Variants in ERMAP observed in about 807,000 individuals in gnomAD.
ERMAP encodes erythroblast membrane associated protein (Scianna blood group).
A neutral mutation model predicts 49.5 loss-of-function variants in ERMAP; 34 were observed. The observed-to-expected ratio is 0.69, with a 90% confidence interval of 0.52 to 0.91. ERMAP has a LOEUF of 0.91. Ranked by LOEUF, ERMAP falls within the 40% of genes least tolerant of loss-of-function variation. ERMAP has a pLI of 0.00. For synonymous variants in ERMAP, 214 were observed against 232.2 expected (o/e 0.92, Z 0.71); for missense variants, 541 against 582.6 (o/e 0.93, Z 0.74).
At chr1:42,829,238 C>T (rs1654642402) in intron 2 of ERMAP, among the ~76,000 whole-genome samples, 3 of 152,168 alleles carry the variant, frequency 2.0e-5, no homozygotes, top group Admixed American at 2.0e-4. Flanking sequence ...CAACCCTAAA[C>T]CAGTGTGCTT....
At chr1:42,842,299 G>T (rs919396566) in intron 11 of ERMAP, among the ~76,000 whole-genome samples, 2 of 152,158 alleles carry the variant, frequency 1.3e-5, no homozygotes, top group Admixed American at 6.5e-5. Context: ...AGATGAAGAA[G>T]AACTTTTTCT....
At chr1:42,823,823 G>T (rs1654462873) in intron 1 of ERMAP, among the ~76,000 whole-genome samples, 1 of 152,186 alleles carries the variant, frequency 6.6e-6, no homozygotes, top group Non-Finnish European at 1.5e-5. Context: ...CTACAGTTTG[G>T]TGCCACTTCC....
chr1:42,828,311 A>G (rs1654613187), intron 2 of ERMAP, among the ~76,000 whole-genome samples: 1 of 151,952 alleles, frequency 6.6e-6, no homozygotes, highest in African/African-American at 2.4e-5. Context: ...ATCATTTTAC[A>G]TGTATTTTCT....
Position 42,843,472 on chromosome 1 carries a change from T to G in ERMAP, c.*240T>G, listed in dbSNP as rs1358359788. The G allele has an allele frequency of 7.1e-6, 3 of 422,412 alleles. No individual in the cohort carries two copies. The highest frequency in any genetic ancestry group is 4.0e-5 in the Admixed American group (1 of 24,730). 26.2% of individuals were successfully genotyped at this position (422,412 alleles called of 1,614,324 possible). A position where few individuals can be genotyped will look rare whatever the true frequency, so the allele number is the denominator to read the frequency against. On this transcript the variant is annotated 3_prime_UTR_variant, in exon 12 of 12. Coordinates refer to ENST00000372517, the MANE Select transcript of ERMAP (RefSeq NM_001017922.2). The stretch of plus-strand genomic sequence containing the variant: ...ATTCCTGGAAACCAAACAATCAGTT[T>G]AGGTGCAGGTGGAGATGTTGAATAT...
intron 4 of ERMAP, chr1:42,834,576 A>G: frequency 3.5e-6 from 1 of 289,838 alleles, no homozygotes; most frequent in Admixed American, 4.1e-5. Flanking sequence ...TGTTTTTGAG[A>G]TGGAGTTTCA....
intron 5 of ERMAP, 110 bp downstream of exon 5, chr1:42,835,264 G>A (rs1654861873): frequency 2.8e-6 from 2 of 706,528 alleles, no homozygotes; most frequent in Admixed American, 4.0e-5. Context: ...ATAGGTTGGG[G>A]ACACTGCAAG....
chr1:42,831,555 GT>G (rs34434827), intron 4 of ERMAP, among the ~76,000 whole-genome samples: 424 of 41,812 alleles, frequency 0.01, no homozygotes, highest in African/African-American at 0.039. Context: ...GAGAGATAGT[GT>G]TTTTTTTTTT....
In ERMAP at chr1:42,840,143, C is replaced by T. The variant is rs759325153; in HGVS notation, c.659-9C>T. ...TGATAGCTCATTCCCCTTGTTTCTTCTTTCATAGAGTTGAAAAGAGCTGCA... is the reference window on the plus strand; with the variant it reads ...TGATAGCTCATTCCCCTTGTTTCTTTTTTCATAGAGTTGAAAAGAGCTGCA... On this transcript the variant is annotated splice_polypyrimidine_tract_variant and intron_variant, in intron 9 of 11. Coordinates refer to ENST00000372517, the MANE Select transcript of ERMAP (RefSeq NM_001017922.2). The T allele has an allele frequency of 7.4e-6, 12 of 1,614,182 alleles. No homozygotes were observed. The South Asian group carries it at 1.3e-4, about 18-fold the overall frequency.
At chr1:42,830,585 C>T in intron 3 of ERMAP, 52 bp downstream of exon 3, 1 of 1,576,106 alleles carries the variant, frequency 6.3e-7, no homozygotes, top group Non-Finnish European at 8.7e-7. Context: ...TATTGGCGTC[C>T]CCAGAATAAG....
chr1:42,819,763 C>CTT lies in ERMAP; in HGVS notation c.-122+2521_-122+2522dup, dbSNP rs374844500. ...TGTGAACCAGGTCATTTACCAGTGTCTTTTTTTTTTTTCTTGGCAGCATCC... is the reference window on the plus strand; with the variant it reads ...TGTGAACCAGGTCATTTACCAGTGTCTTTTTTTTTTTTTTCTTGGCAGCATCC... On this transcript the variant is annotated intron_variant, in intron 1 of 11. Transcript: ENST00000372517. The surrounding 1 kb of genome is among the most constrained non-coding windows in gnomAD (Gnocchi z 5.1). 6.9e-6 allele frequency among the ~76,000 whole-genome samples: 1 copy of CTT among 145,376 alleles called. No individual in the cohort carries two copies. The highest frequency in any genetic ancestry group is 1.5e-5 in the Non-Finnish European group (1 of 65,858).
At chr1:42,835,309 G>T in intron 5 of ERMAP, 155 bp downstream of exon 5, 2 of 626,620 alleles carry the variant, frequency 3.2e-6, no homozygotes, top group Non-Finnish European at 5.8e-6. Context: ...CCATGCCCTG[G>T]GGACACACAT....
intron 11 of ERMAP, among the ~76,000 whole-genome samples, chr1:42,842,222 C>T (rs963625627): frequency 6.6e-6 from 1 of 152,176 alleles, no homozygotes; most frequent in Non-Finnish European, 1.5e-5. Context: ...AACACGTGAA[C>T]TTTTGAGGGA....
Position 42,839,178 on chromosome 1 carries a change from A to C in ERMAP, c.637+257A>C. ...AGATAGATGCATCTCCCATAGGTGA[A>C]GCCATCTGGAAGTCCCTTTTATCAC... On this transcript the variant is annotated intron_variant, in intron 8 of 11. Coordinates refer to ENST00000372517, the MANE Select transcript of ERMAP (RefSeq NM_001017922.2). 3 of 575,872 alleles carry C rather than the reference A, an allele frequency of 5.2e-6. No homozygotes were observed. In the East Asian group the frequency reaches 8.5e-5, roughly 16 times the overall value. The allele number at this position is 575,872 out of a possible 1,614,324, so 35.7% of individuals were successfully genotyped here.
In ERMAP at chr1:42,844,143, CACA is replaced by C. The variant is rs1655147934; in HGVS notation, c.*913_*915del. 7.5e-6 allele frequency: 3 copies of C among 398,478 alleles called. No individual in the cohort carries two copies. The highest frequency in any genetic ancestry group is 1.3e-5 in the Non-Finnish European group (3 of 226,026). 24.7% of individuals were successfully genotyped at this position (398,478 alleles called of 1,614,324 possible). ...ACCAACGTAGAAGCTTTTTTTTCCC[CACA>C]AGACCATTGTACTGCAATACTTGAG... On this transcript the variant is annotated 3_prime_UTR_variant, in exon 12 of 12. Transcript: ENST00000372517. This position sits in a 1 kb window ranked among gnomAD's most constrained non-coding sequence, Gnocchi z 4.0.
At position 42,843,068 on chromosome 1, in the gene ERMAP, A is replaced by T; in HGVS notation, c.1264A>T (p.Ile422Phe). 3 of 1,614,202 alleles carry T rather than the reference A, an allele frequency of 1.9e-6. No individual in the cohort carries two copies. Among genetic ancestry groups the T allele is most frequent in the Non-Finnish European group, 2.5e-6 (3 of 1,180,028 alleles). ...AGAACTACACAAATCAGAGGAATCA[A>T]TTGTCCCCAGGCCAGAAGGGAAAGG... ...CSELHKSEESIVPRPEGKGHA... is the reference protein window; with the variant it reads ...CSELHKSEESFVPRPEGKGHA... The change falls in exon 12 of 12, where the codon ATT (isoleucine) becomes TTT (phenylalanine). Residue 422 changes from isoleucine (I) to phenylalanine (F), a missense_variant. Coordinates refer to ENST00000372517, the MANE Select transcript of ERMAP (RefSeq NM_001017922.2).
intron 1 of ERMAP, among the ~76,000 whole-genome samples, chr1:42,818,234 T>C (rs921811231): frequency 1.3e-5 from 2 of 152,154 alleles, no homozygotes; most frequent in African/African-American, 2.4e-5. Flanking sequence ...TTTCTGGAGG[T>C]CAGTTTAGTA....
At chr1:42,830,257 A>G in intron 2 of ERMAP, 187 bp from the exon 3 acceptor site, 1 of 597,030 alleles carries the variant, frequency 1.7e-6, no homozygotes, top group Non-Finnish European at 3.0e-6. Context: ...GAAGATGAAG[A>G]AACACAGTCT....
intron 4 of ERMAP, chr1:42,834,705 G>A (rs1172132212): frequency 3.0e-5 from 7 of 234,054 alleles, no homozygotes; most frequent in East Asian, 1.3e-4. Flanking sequence ...ACAGGTGCCC[G>A]CCACCACACC....
At chr1:42,824,120 G>A (rs1484044353) in intron 1 of ERMAP, among the ~76,000 whole-genome samples, 3 of 152,042 alleles carry the variant, frequency 2.0e-5, no homozygotes, top group African/African-American at 7.2e-5. Context: ...CGAGGCGGGC[G>A]GATCACAAGG....
Sources: allele counts gnomAD v4.1 joint callset (sites outside exome capture counted in the v4.1 genomes callset), GRCh38; gene constraint gnomAD v4.1.1; non-coding constraint Gnocchi (gnomAD v3.1); transcripts MANE v1.5; gene names NCBI Gene and HGNC (gene_info 2026-07-23, HGNC 2026-07-21).